SMAP1: variants seen among roughly 807,000 people sequenced by gnomAD.
SMAP1 encodes the protein stromal membrane-associated protein 1.
A neutral mutation model predicts 58.5 loss-of-function variants in SMAP1; 24 were observed. The ratio of observed to expected loss-of-function variants is 0.41; its 90% CI spans 0.30 to 0.58. SMAP1 has a LOEUF of 0.58. Among genes scored for constraint, SMAP1 ranks in the 20% least tolerant of loss-of-function variants. SMAP1 has a pLI of 0.29. For missense variants in SMAP1, 563 were observed against 566.3 expected (o/e 0.99, Z 0.06); for synonymous variants, 216 against 196.6 (o/e 1.10, Z -0.82).
intron 6 of SMAP1, 90 bp downstream of exon 6, chr6:70,798,827 G>A: frequency 9.8e-7 from 1 of 1,018,236 alleles, no homozygotes; most frequent in East Asian, 2.7e-5. Context: ...TTTATAATAT[G>A]TAAATAATCA....
intron 3 of SMAP1, chr6:70,759,751 T>G (rs975967148): frequency 3.4e-6 from 1 of 290,414 alleles, no homozygotes; most frequent in Non-Finnish European, 7.2e-6. Context: ...TCCTTTTCTA[T>G]AGATTTCAGG....
At chr6:70,798,590 A>G in intron 5 of SMAP1, 67 bp from the exon 6 acceptor site, 1 of 1,215,348 alleles carries the variant, frequency 8.2e-7, no homozygotes, top group Non-Finnish European at 1.1e-6. Context: ...TCAAACTAAT[A>G]AGGATGAGTC....
At chr6:70,835,875 T>C (rs1770560809) in intron 6 of SMAP1, among the ~76,000 whole-genome samples, 1 of 152,208 alleles carries the variant, frequency 6.6e-6, no homozygotes, top group African/African-American at 2.4e-5. Context: ...TGTAGGTTTT[T>C]TCATTCTGTC....
intron 6 of SMAP1, among the ~76,000 whole-genome samples, chr6:70,832,988 T>A (rs1029573437): frequency 1.3e-5 from 2 of 152,228 alleles, no homozygotes; most frequent in South Asian, 4.1e-4. Flanking sequence ...TTACTTCCTG[T>A]CGTTTTACAC....
At position 70,678,903 on chromosome 6, in the gene SMAP1, G is replaced by T. The variant is rs530499853; in HGVS notation, c.118+10762G>T. ...AATACAGGACAATACTGCCATCTCA[G>T]TGTCCTTAAGTTATTCACAGAGATT... On this transcript the variant is annotated intron_variant, in intron 1 of 10. Transcript: ENST00000370455. Among the ~76,000 whole-genome samples, 6 of 152,198 alleles carry T rather than the reference G, an allele frequency of 3.9e-5. No individual in the cohort carries two copies. The South Asian group carries it at 1.2e-3, about 32-fold the overall frequency.
chr6:70,696,361 T>C (rs1767405380), intron 1 of SMAP1, among the ~76,000 whole-genome samples: 1 of 152,168 alleles, frequency 6.6e-6, no homozygotes, highest in Admixed American at 6.5e-5. Flanking sequence ...AGTCTTCTGC[T>C]TTTTTAGTGT....
At chr6:70,810,285 A>T (rs1769330710) in intron 6 of SMAP1, among the ~76,000 whole-genome samples, 1 of 152,154 alleles carries the variant, frequency 6.6e-6, no homozygotes, top group African/African-American at 2.4e-5. Flanking sequence ...CTGGGACTGC[A>T]GGCATACACC....
intron 7 of SMAP1, among the ~76,000 whole-genome samples, chr6:70,850,160 T>C (rs568721705): frequency 3.3e-5 from 5 of 152,322 alleles, no homozygotes; most frequent in African/African-American, 1.2e-4. Flanking sequence ...AGCTGTACAG[T>C]TTATAAAAGT....
intron 4 of SMAP1, among the ~76,000 whole-genome samples, chr6:70,790,945 G>A (rs929619759): frequency 2.0e-5 from 3 of 152,138 alleles, no homozygotes; most frequent in Non-Finnish European, 4.4e-5. Flanking sequence ...GATCAACTAC[G>A]CATGCAGAAA....
intron 1 of SMAP1, among the ~76,000 whole-genome samples, chr6:70,724,823 T>C (rs1020808916): frequency 6.6e-6 from 1 of 152,090 alleles, no homozygotes; most frequent in African/African-American, 2.4e-5. Flanking sequence ...TAAAAAGGAA[T>C]ATTTTAAAGA....
intron 6 of SMAP1, among the ~76,000 whole-genome samples, chr6:70,806,496 C>T (rs1252641664): frequency 1.3e-5 from 2 of 152,180 alleles, no homozygotes; most frequent in Admixed American, 6.5e-5. Context: ...TCAGCTCACC[C>T]TCCGTGGGCT....
chr6:70,668,591 C>T, intron 1 of SMAP1: 6 of 1,535,710 alleles, frequency 3.9e-6, no homozygotes, highest in Non-Finnish European at 5.2e-6. Flanking sequence ...GGTGTGACCA[C>T]GTCCTCCCAC....
At chr6:70,825,479 A>G (rs1031317930) in intron 6 of SMAP1, among the ~76,000 whole-genome samples, 5 of 152,172 alleles carry the variant, frequency 3.3e-5, no homozygotes, top group African/African-American at 1.2e-4. Context: ...AAGAATAACA[A>G]TAGTGAGATG....
intron 2 of SMAP1, among the ~76,000 whole-genome samples, chr6:70,746,561 G>C (rs991792721): frequency 6.6e-6 from 1 of 152,122 alleles, no homozygotes; most frequent in Non-Finnish European, 1.5e-5. Context: ...ATGTGCTGCC[G>C]GATTCGGTTT....
intron 2 of SMAP1, among the ~76,000 whole-genome samples, chr6:70,741,386 G>A (rs1010073674): frequency 3.9e-5 from 6 of 152,218 alleles, no homozygotes; most frequent in African/African-American, 1.4e-4. Flanking sequence ...CCCCATGCAA[G>A]TCGGAAATCC....
At position 70,861,964 on chromosome 6, in the gene SMAP1, G is replaced by GACTT. The variant is rs763580869; in HGVS notation, c.*1633_*1636dup. 14 of 1,607,892 alleles carry GACTT rather than the reference G, an allele frequency of 8.7e-6. No homozygotes were observed. The highest frequency in any genetic ancestry group is 5.5e-5 in the South Asian group (5 of 90,676). ...TTTGGATTGGACAAAATGACTTGAA[G>GACTT]ACTTACAGCAAATCCTTTGTGAAAA... On this transcript the variant is annotated 3_prime_UTR_variant, in exon 11 of 11. Transcript: ENST00000370455.
chr6:70,685,420 A>G (rs1477224083), intron 1 of SMAP1, among the ~76,000 whole-genome samples: 2 of 152,122 alleles, frequency 1.3e-5, no homozygotes, highest in East Asian at 1.9e-4. Flanking sequence ...CACAGAGTGT[A>G]TTCTGGAAAG....
chr6:70,780,299 G>A (rs1254088289), intron 4 of SMAP1, among the ~76,000 whole-genome samples: 1 of 152,224 alleles, frequency 6.6e-6, no homozygotes, highest in Non-Finnish European at 1.5e-5. Flanking sequence ...CTGTTGGCCA[G>A]GCATGGTGGC....
At chr6:70,668,835 G>A (rs1766147603) in intron 1 of SMAP1, 1 of 1,187,354 alleles carries the variant, frequency 8.4e-7, no homozygotes, top group African/African-American at 1.5e-5. Flanking sequence ...GAGTCTCTTG[G>A]AGGACGGTGG....
Sources: allele counts gnomAD v4.1 joint callset (sites outside exome capture counted in the v4.1 genomes callset), GRCh38; gene constraint gnomAD v4.1.1; transcripts MANE v1.5; gene names NCBI Gene and HGNC (gene_info 2026-07-23, HGNC 2026-07-21).